Variants in SPMIP4 observed in about 807,000 individuals in gnomAD.
SPMIP4 encodes the protein sperm microtubule inner protein 4, also known as sperm-associated microtubule inner protein 4.
At chr7:25,164,016 C>T in the SPMIP4 span, among the ~76,000 whole-genome samples, 4 of 152,166 alleles carry the variant, frequency 2.6e-5, no homozygotes, top group Non-Finnish European at 5.9e-5. Flanking sequence ...GCCATACTTA[C>T]CGAACATTAG....
the SPMIP4 span, among the ~76,000 whole-genome samples, chr7:25,173,970 A>C: frequency 6.6e-6 from 1 of 152,208 alleles, no homozygotes; most frequent in Non-Finnish European, 1.5e-5. The surrounding 1 kb of genome is among the most constrained non-coding windows in gnomAD (Gnocchi z 4.4). Context: ...TACTCACAGA[A>C]TTGTAGAGAA....
At chr7:25,147,533 G>A in the SPMIP4 span, among the ~76,000 whole-genome samples, 91,276 of 151,824 alleles carry the variant, frequency 0.6, 28,538 homozygotes, top group Non-Finnish European at 0.69. Flanking sequence ...GGAAAGGGGC[G>A]TCTGATCTCA....
chr7:25,145,590 T>C, the SPMIP4 span, among the ~76,000 whole-genome samples: 1 of 152,184 alleles, frequency 6.6e-6, no homozygotes, highest in Non-Finnish European at 1.5e-5. Context: ...ATATCTGATA[T>C]GGAAGATAAG....
the SPMIP4 span, chr7:25,125,859 G>A: frequency 1.0e-6 from 1 of 959,904 alleles, no homozygotes; most frequent in Non-Finnish European, 1.2e-6. Context: ...TCGTGACCTT[G>A]TTCTAGTTCC....
chr7:25,177,441 C>G, the SPMIP4 span, among the ~76,000 whole-genome samples: 3 of 152,076 alleles, frequency 2.0e-5, no homozygotes, highest in East Asian at 5.8e-4. Context: ...CGAGATTGTG[C>G]CACTGCACTC....
At chr7:25,155,707 T>C in the SPMIP4 span, among the ~76,000 whole-genome samples, 1 of 152,160 alleles carries the variant, frequency 6.6e-6, no homozygotes, top group African/African-American at 2.4e-5. Context: ...CCTGTTTATA[T>C]ACACAGTACT....
chr7:25,145,891 A>C, the SPMIP4 span, among the ~76,000 whole-genome samples: 1 of 152,126 alleles, frequency 6.6e-6, no homozygotes, highest in East Asian at 1.9e-4. Flanking sequence ...ACATGGTTGT[A>C]ATATATTAAA....
chr7:25,149,909 AAC>A, the SPMIP4 span, among the ~76,000 whole-genome samples: 1 of 152,222 alleles, frequency 6.6e-6, no homozygotes, highest in Non-Finnish European at 1.5e-5. Context: ...AGTAAATGGC[AAC>A]AGAGGAGTGA....
chr7:25,159,853 AGTT>A, the SPMIP4 span, among the ~76,000 whole-genome samples: 2 of 152,196 alleles, frequency 1.3e-5, no homozygotes, highest in African/African-American at 2.4e-5. Context: ...AGGAATCTAG[AGTT>A]GTTATTAATA....
chr7:25,160,154 T>A, the SPMIP4 span, among the ~76,000 whole-genome samples: 2 of 134,378 alleles, frequency 1.5e-5, no homozygotes, highest in Admixed American at 7.9e-5. Context: ...ACCAAAGGGA[T>A]AAACCGAGAC....
At chr7:25,179,220 T>G in the SPMIP4 span, 1 of 1,613,532 alleles carries the variant, frequency 6.2e-7, no homozygotes, top group African/African-American at 1.3e-5. Flanking sequence ...GAGGGGGTTG[T>G]GCAATTCATT....
At chr7:25,168,461 G>C in the SPMIP4 span, 6 of 1,575,158 alleles carry the variant, frequency 3.8e-6, no homozygotes, top group African/African-American at 5.5e-5. Flanking sequence ...CTTAATTCCT[G>C]ATACCTGTGA....
chr7:25,142,804 C>T, the SPMIP4 span: 17 of 1,525,366 alleles, frequency 1.1e-5, no homozygotes, highest in Admixed American at 3.9e-4. Context: ...TTTCTCAACA[C>T]CTCTGGGAAA....
At chr7:25,135,988 T>C in the SPMIP4 span, 22 of 1,594,472 alleles carry the variant, frequency 1.4e-5, no homozygotes, top group Non-Finnish European at 1.9e-5. Context: ...ATAGAAATAA[T>C]AGGAATTATG....
At chr7:25,140,962 C>T in the SPMIP4 span, among the ~76,000 whole-genome samples, 8 of 152,100 alleles carry the variant, frequency 5.3e-5, no homozygotes, top group Admixed American at 2.0e-4. Flanking sequence ...AATTTATATA[C>T]CTTTAAAATG....
At chr7:25,149,193 C>T in the SPMIP4 span, among the ~76,000 whole-genome samples, 1 of 152,104 alleles carries the variant, frequency 6.6e-6, no homozygotes, top group African/African-American at 2.4e-5. Context: ...CTTAACAATT[C>T]CCCCTTTCTG....
the SPMIP4 span, among the ~76,000 whole-genome samples, chr7:25,179,007 C>T: frequency 6.6e-6 from 1 of 152,098 alleles, no homozygotes; most frequent in African/African-American, 2.4e-5. Context: ...CACCACTACA[C>T]TCCAGCCTGG....
the SPMIP4 span, chr7:25,136,511 G>A: frequency 2.5e-6 from 4 of 1,614,102 alleles, no homozygotes; most frequent in Non-Finnish European, 3.4e-6. This position sits in a 1 kb window ranked among gnomAD's most constrained non-coding sequence, Gnocchi z 5.7. Context: ...TAACAAGATG[G>A]GAGTTCATAG....
chr7:25,139,404 A>ATT, the SPMIP4 span, among the ~76,000 whole-genome samples: 41 of 148,498 alleles, frequency 2.8e-4, 1 homozygote, highest in South Asian at 6.0e-3. Flanking sequence ...TTAATTATAC[A>ATT]TTTTTTTTTT....
Sources: allele counts gnomAD v4.1 joint callset (sites outside exome capture counted in the v4.1 genomes callset), GRCh38; gene constraint gnomAD v4.1.1; non-coding constraint Gnocchi (gnomAD v3.1); transcripts MANE v1.5; gene names NCBI Gene and HGNC (gene_info 2026-07-23, HGNC 2026-07-21).